Variants in NUP160 observed in about 807,000 individuals in gnomAD.
The protein encoded by NUP160 is nucleoporin 160.
In NUP160, 94 loss-of-function variants were observed where a neutral mutation model predicts 196.9. That is an observed-to-expected ratio of 0.48 (90% CI 0.40 to 0.57). The LOEUF (loss-of-function observed/expected upper bound fraction) is 0.57, where lower values mean the gene tolerates loss of function less well. Ranked by LOEUF, NUP160 falls within the 20% of genes least tolerant of loss-of-function variation. The probability of loss-of-function intolerance (pLI) is 0.00; values close to 1 mark genes in which losing one functional copy is unlikely to be tolerated. For synonymous variants in NUP160, 605 were observed against 619.7 expected, an observed-to-expected ratio of 0.98 and a Z score of 0.35; for missense variants, 1,638 against 1,748.3, an observed-to-expected ratio of 0.94 and a Z score of 1.13.
At chr11:47,816,407 T>C (rs1599329221) in intron 11 of NUP160, among the ~76,000 whole-genome samples, 1 of 152,326 alleles carries the variant, frequency 6.6e-6, no homozygotes, top group South Asian at 2.1e-4. Flanking sequence ...CAGTCTAAAA[T>C]ATTCTAATAT....
chr11:47,806,112 C>G (rs375482863), intron 20 of NUP160, 41 bp downstream of exon 20: 2 of 1,598,740 alleles, frequency 1.3e-6, no homozygotes, highest in African/African-American at 2.7e-5. Flanking sequence ...ACATGCCCGG[C>G]CAGAAGAGAG....
chr11:47,787,368 G>A (rs2097665175), intron 31 of NUP160, among the ~76,000 whole-genome samples: 1 of 151,178 alleles, frequency 6.6e-6, no homozygotes, highest in South Asian at 2.1e-4. Flanking sequence ...CATTACAGGC[G>A]TAAGCCACTG....
intron 5 of NUP160, 103 bp downstream of exon 5, chr11:47,837,442 G>A: frequency 1.1e-6 from 1 of 872,682 alleles, no homozygotes; most frequent in Non-Finnish European, 1.9e-6. Context: ...CTCCTTTCCA[G>A]TATAATGTTT....
intron 2 of NUP160, chr11:47,841,414 A>T (rs1253605478): frequency 2.2e-6 from 1 of 464,714 alleles, no homozygotes. Context: ...CTCAGAATTC[A>T]TCTCCACTTG....
At position 47,782,298 on chromosome 11, in the gene NUP160, AAAAAAATATATATAT is replaced by A. The variant is rs1409284951; in HGVS notation, c.4116+760_4116+774del. ...CAGAGCAAAACTCAGTTAAAAAAAA[AAAAAAATATATATAT>A]ATATATATATATATATATATATATA... On this transcript the variant is annotated intron_variant, in intron 34 of 35. Transcript: ENST00000378460. 8.8e-4 allele frequency among the ~76,000 whole-genome samples: 47 copies of A among 53,296 alleles called. 2 individuals carry two copies. The highest frequency in any genetic ancestry group is 2.6e-3 in the South Asian group (5 of 1,956). The allele number at this position is 53,296 out of a possible 152,430, so 35.0% of individuals were successfully genotyped here. A position where few individuals can be genotyped will look rare whatever the true frequency, so the allele number is the denominator to read the frequency against.
rs548207617 is a variant in NUP160, at chr11:47,829,693, C to T, written c.1101+5958G>A. Among the ~76,000 whole-genome samples the T allele has an allele frequency of 2.0e-5, 3 of 152,208 alleles. No homozygotes were observed. The South Asian group carries it at 6.2e-4, about 31-fold the overall frequency. ...GAGAAGACTGAAGCTGGATCCCTTC[C>T]TTACACGATATACAAAAATCAACTC... is the stretch of plus-strand genomic sequence containing the variant. On this transcript the variant is annotated intron_variant, in intron 7 of 35. Coordinates refer to ENST00000378460, the Ensembl canonical transcript of NUP160.
intron 13 of NUP160, among the ~76,000 whole-genome samples, chr11:47,813,833 AGGCTGAAGT>A (rs1190742136): frequency 5.2e-4 from 79 of 152,014 alleles, no homozygotes; most frequent in African/African-American, 1.9e-3. Flanking sequence ...GCACTTTGGG[AGGCTGAAGT>A]GGGTGGATCA....
At chr11:47,792,764 C>T in intron 28 of NUP160, 22 bp downstream of exon 28, 1 of 1,572,854 alleles carries the variant, frequency 6.4e-7, no homozygotes, top group Non-Finnish European at 8.6e-7. Context: ...CCCCCAAATT[C>T]CAGGATGAAA....
intron 2 of NUP160, among the ~76,000 whole-genome samples, chr11:47,844,483 T>G (rs531693310): frequency 8.5e-5 from 13 of 152,336 alleles, no homozygotes; most frequent in African/African-American, 3.1e-4. Flanking sequence ...TCCTTTCCAC[T>G]CTTTGAACAC....
At chr11:47,840,044 T>C (rs748984975) in exon 4 of NUP160, 5 of 1,611,712 alleles carry the variant, frequency 3.1e-6, no homozygotes, top group Non-Finnish European at 2.5e-6. Flanking sequence ...ATTGACTGCA[T>C]CTGACTGTCA....
intron 7 of NUP160, among the ~76,000 whole-genome samples, chr11:47,826,587 G>T: frequency 6.9e-6 from 1 of 145,612 alleles, no homozygotes; most frequent in African/African-American, 2.6e-5. Context: ...TTTTGAGACA[G>T]AGTCTCTCTC....
At chr11:47,815,817 A>T in intron 12 of NUP160, 129 bp downstream of exon 12, 1 of 935,450 alleles carries the variant, frequency 1.1e-6, no homozygotes, top group South Asian at 1.7e-5. Flanking sequence ...CTCTAGTTAA[A>T]AGGTTTAAAC....
chr11:47,804,558 T>A, exon 21 of NUP160: 1 of 1,537,134 alleles, frequency 6.5e-7, no homozygotes, highest in Non-Finnish European at 8.7e-7. Flanking sequence ...CCTGCAATTG[T>A]ACATATTGGC....
intron 17 of NUP160, among the ~76,000 whole-genome samples, chr11:47,810,786 T>C (rs1276518323): frequency 1.3e-5 from 2 of 151,870 alleles, no homozygotes; most frequent in Non-Finnish European, 1.5e-5. Flanking sequence ...CCTCAAGTGA[T>C]CTGCCCACCT....
At chr11:47,803,487 C>G (rs751392928) in exon 22 of NUP160, 13 of 1,612,698 alleles carry the variant, frequency 8.1e-6, no homozygotes, top group Non-Finnish European at 1.0e-5. Flanking sequence ...CATAAATCGA[C>G]AGGAACCAAC....
rs1048507964 is a variant in NUP160 at position 47,819,594 on chromosome 11, A to G, written c.1278-136T>C. 8 of 484,770 alleles carry G rather than the reference A, an allele frequency of 1.7e-5. No individual in the cohort carries two copies. In the East Asian group the frequency reaches 2.7e-4, roughly 16 times the overall value. 30.0% of individuals were successfully genotyped at this position (484,770 alleles called of 1,614,324 possible). A position where few individuals can be genotyped will look rare whatever the true frequency, so the allele number is the denominator to read the frequency against. ...CTGCTTCATCAATTCTATTAAAAAC[A>G]TTTTTTTTTAAATAAGAAAGAAAGA... On this transcript the variant is annotated intron_variant, in intron 9 of 35. Coordinates refer to ENST00000378460, the Ensembl canonical transcript of NUP160.
At chr11:47,803,626 AAGAC>A in intron 21 of NUP160, 90 bp from the exon 22 acceptor site, 1 of 769,268 alleles carries the variant, frequency 1.3e-6, no homozygotes, top group South Asian at 1.5e-5. Flanking sequence ...AGAGGATGAA[AAGAC>A]AGTGTTTGAA....
chr11:47,845,918 A>C (rs1031461287), intron 2 of NUP160, among the ~76,000 whole-genome samples: 2 of 152,174 alleles, frequency 1.3e-5, no homozygotes, highest in African/African-American at 2.4e-5. Context: ...GCACTGCTTG[A>C]GTCTGGCAGT....
At chr11:47,778,798 G>A (rs1290047959) in exon 36 of NUP160, 1 of 214,430 alleles carries the variant, frequency 4.7e-6, no homozygotes, top group Non-Finnish European at 9.4e-6. Flanking sequence ...GTGAAGGTGA[G>A]TCTTAATTTG....
Sources: gnomAD v4.1 joint callset for allele counts (sites outside exome capture counted in the v4.1 genomes callset) on GRCh38, gnomAD v4.1.1 for gene constraint, MANE v1.5 for transcripts, NCBI Gene and HGNC (gene_info 2026-07-23, HGNC 2026-07-21) for gene names.